AOPEP: variants seen among roughly 807,000 people sequenced by gnomAD.
AOPEP encodes aminopeptidase O.
AOPEP carries 77 observed loss-of-function variants against 98.1 expected under a neutral mutation model. The ratio of observed to expected loss-of-function variants is 0.78; its 90% CI spans 0.65 to 0.95. The LOEUF (loss-of-function observed/expected upper bound fraction) is 0.95. AOPEP is among the 40% of genes least tolerant of loss of function. AOPEP has a pLI of 0.00. For synonymous variants in AOPEP, 346 were observed against 365.3 expected, an observed-to-expected ratio of 0.95 and a Z score of 0.60; for missense variants, 1,024 against 1,024.7, an observed-to-expected ratio of 1.00 and a Z score of 0.01.
rs528658840 is a variant in AOPEP at position 95,011,869 on chromosome 9, C to T, written c.2115+6253C>T. Among the ~76,000 whole-genome samples the T allele has an allele frequency of 1.4e-3, 215 of 152,164 alleles. 2 individuals carry two copies. The highest frequency in any genetic ancestry group is 4.9e-3 in the African/African-American group (202 of 41,514). On this transcript the variant is annotated intron_variant, in intron 13 of 16. Coordinates refer to ENST00000375315, the MANE Select transcript of AOPEP (RefSeq NM_001193329.3). ...AAAAAAGTTCCAAGATTTCTGTGTA[C>T]AAAATTCCTTCCCGTTTTTAACTAG...
intron 5 of AOPEP, chr9:94,904,701 G>A (rs1022521042): frequency 2.6e-5 from 4 of 152,090 alleles, no homozygotes; most frequent in African/African-American, 9.7e-5. Flanking sequence ...CCATATATTT[G>A]GGTTAAACCA....
At chr9:94,735,509 C>T (rs545371696) in intron 1 of AOPEP, among the ~76,000 whole-genome samples, 38 of 152,268 alleles carry the variant, frequency 2.5e-4, no homozygotes, top group Admixed American at 1.1e-3. Context: ...TGTGAGCCAC[C>T]GCGCCCGGCC....
chr9:95,052,697 CAT>C (rs2066484530), intron 13 of AOPEP, among the ~76,000 whole-genome samples: 1 of 152,064 alleles, frequency 6.6e-6, no homozygotes, highest in Admixed American at 6.6e-5. Flanking sequence ...TGATTTTTGA[CAT>C]ATTGGAGTAA....
At chr9:94,893,893 G>A (rs1156586762) in intron 5 of AOPEP, among the ~76,000 whole-genome samples, 1 of 152,066 alleles carries the variant, frequency 6.6e-6, no homozygotes, top group East Asian at 1.9e-4. Flanking sequence ...TAATCACATT[G>A]GAAGACTTGC....
At chr9:95,082,535 A>G in intron 15 of AOPEP, 40 bp from the exon 16 acceptor site, 1 of 1,607,440 alleles carries the variant, frequency 6.2e-7, no homozygotes, top group Non-Finnish European at 8.5e-7. Context: ...GTGGGTACCC[A>G]CACCTTCGCC....
At chr9:95,091,740 C>T (rs376457723), downstream of AOPEP, among the ~76,000 whole-genome samples, 7 of 152,156 alleles carry the variant, frequency 4.6e-5, no homozygotes, top group Non-Finnish European at 7.4e-5. Flanking sequence ...ACTGATCACC[C>T]GATAGGCATT....
At chr9:95,080,442 G>A (rs1587952372) in intron 14 of AOPEP, among the ~76,000 whole-genome samples, 2 of 152,282 alleles carry the variant, frequency 1.3e-5, no homozygotes, top group Non-Finnish European at 1.5e-5. Context: ...GCTTGAACCC[G>A]GGAGGCAGAG....
chr9:94,933,129 C>G lies in AOPEP; in HGVS notation c.1661+4598C>G. The G allele has an allele frequency of 3.0e-6, 3 of 985,882 alleles. No homozygotes were observed. The South Asian group carries it at 1.4e-4, about 46-fold the overall frequency. 61.1% of individuals were successfully genotyped at this position (985,882 alleles called of 1,614,324 possible). A position where few individuals can be genotyped will look rare whatever the true frequency, so the allele number is the denominator to read the frequency against. ...ATTTCAGTGTTCCTTTCTGTCCTGC[C>G]ACTGTTCAGCTCTCTCCTGTCATCT... On this transcript the variant is annotated intron_variant, in intron 7 of 16. Transcript: ENST00000375315.
chr9:95,128,656 T>G, the AOPEP span, among the ~76,000 whole-genome samples: 1 of 152,248 alleles, frequency 6.6e-6, no homozygotes, highest in African/African-American at 2.4e-5. Flanking sequence ...GCTCCTCTTC[T>G]GTGCGCTGTT....
intron 3 of AOPEP, among the ~76,000 whole-genome samples, chr9:94,773,493 C>A (rs1413509647): frequency 6.6e-6 from 1 of 152,064 alleles, no homozygotes; most frequent in African/African-American, 2.4e-5. Context: ...CATGGAAACA[C>A]CATTAGAGTT....
At chr9:94,765,419 G>T (rs1346728139) in intron 2 of AOPEP, among the ~76,000 whole-genome samples, 1 of 140,314 alleles carries the variant, frequency 7.1e-6, no homozygotes, top group Non-Finnish European at 1.5e-5. Context: ...GGGCAACATG[G>T]TGAAACCCCT....
rs1851099513 is a variant in AOPEP, at chr9:94,813,633, C to T, written c.1364+12631C>T. On this transcript the variant is annotated intron_variant, in intron 5 of 16. Coordinates refer to ENST00000375315, the MANE Select transcript of AOPEP (RefSeq NM_001193329.3). The stretch of plus-strand genomic sequence containing the variant: ...AGGGCAAGCTGTGCTTTCTGGTTCC[C>T]TAAGGAGTTTCTCATGCAGGGTAAT... Among the ~76,000 whole-genome samples the T allele has an allele frequency of 2.0e-5, 3 of 152,324 alleles. No individual in the cohort carries two copies. In the South Asian group the frequency reaches 6.2e-4, roughly 32 times the overall value.
the AOPEP span, among the ~76,000 whole-genome samples, chr9:95,136,563 T>C: frequency 6.6e-6 from 1 of 152,000 alleles, no homozygotes; most frequent in Admixed American, 6.5e-5. Context: ...CAAAGTTCCC[T>C]GTAACCTCAA....
chr9:94,851,312 C>T (rs1443301277), intron 5 of AOPEP, among the ~76,000 whole-genome samples: 1 of 152,138 alleles, frequency 6.6e-6, no homozygotes, highest in Non-Finnish European at 1.5e-5. Context: ...CAGTAAGAGC[C>T]TCCTTTAATC....
At chr9:95,126,806 C>T in the AOPEP span, 1 of 531,708 alleles carries the variant, frequency 1.9e-6, no homozygotes, top group Non-Finnish European at 3.4e-6. Flanking sequence ...CCTCTGTATA[C>T]TCCTGTATGT....
chr9:95,039,301 T>G (rs2065091574), intron 13 of AOPEP, among the ~76,000 whole-genome samples: 1 of 152,148 alleles, frequency 6.6e-6, no homozygotes, highest in African/African-American at 2.4e-5. Flanking sequence ...GTGCGGTGGC[T>G]CATGCCTGTA....
intron 4 of AOPEP, among the ~76,000 whole-genome samples, chr9:94,793,827 G>C (rs904575763): frequency 6.6e-6 from 1 of 152,190 alleles, no homozygotes; most frequent in Non-Finnish European, 1.5e-5. Flanking sequence ...TAAATTCAAG[G>C]AATCCTCAGA....
intron 5 of AOPEP, among the ~76,000 whole-genome samples, chr9:94,874,262 A>G (rs1406706361): frequency 1.3e-5 from 2 of 152,186 alleles, no homozygotes; most frequent in African/African-American, 2.4e-5. Flanking sequence ...TTAATCCAGG[A>G]AAAGTACTAA....
At chr9:94,912,252 G>A (rs1352708670) in intron 5 of AOPEP, among the ~76,000 whole-genome samples, 7 of 152,052 alleles carry the variant, frequency 4.6e-5, no homozygotes, top group Admixed American at 2.6e-4. Flanking sequence ...AGATAGTACC[G>A]CTCTTAGCTT....
Sources: allele counts gnomAD v4.1 joint callset (sites outside exome capture counted in the v4.1 genomes callset), GRCh38; gene constraint gnomAD v4.1.1; transcripts MANE v1.5; gene names NCBI Gene and HGNC (gene_info 2026-07-23, HGNC 2026-07-21).